Variants in CADM2 observed in about 807,000 individuals in gnomAD.
CADM2 encodes immunoglobulin superfamily member 4D.
In CADM2, 12 loss-of-function variants were observed where a neutral mutation model predicts 49.8. The ratio of observed to expected loss-of-function variants is 0.24; its 90% confidence interval spans 0.15 to 0.39. The LOEUF is 0.39. CADM2 is among the 10% of genes least tolerant of loss of function. The probability of loss-of-function intolerance (pLI) is 1.00; values close to 1 mark genes in which losing one functional copy is unlikely to be tolerated. For missense variants in CADM2, 378 were observed against 492.3 expected (o/e 0.77, Z 2.20); for synonymous variants, 214 against 175.4 (o/e 1.22, Z -1.74).
chr3:85,538,921 G>A (rs553091869), intron 1 of CADM2, among the ~76,000 whole-genome samples: 2 of 152,118 alleles, frequency 1.3e-5, no homozygotes, highest in South Asian at 4.2e-4. Context: ...ATAACATTGT[G>A]TGGGGAGGCA....
chr3:85,224,882 G>A (rs998071470), intron 1 of CADM2, among the ~76,000 whole-genome samples: 14 of 151,996 alleles, frequency 9.2e-5, no homozygotes, highest in African/African-American at 3.4e-4. Flanking sequence ...GCTTGTTTTT[G>A]TCAGGTTTGT....
chr3:85,376,280 C>G (rs1229306723), intron 1 of CADM2, among the ~76,000 whole-genome samples: 1 of 152,026 alleles, frequency 6.6e-6, no homozygotes, highest in Non-Finnish European at 1.5e-5. Context: ...GATTTAATAA[C>G]TGAAGTAATA....
intron 1 of CADM2, among the ~76,000 whole-genome samples, chr3:85,523,899 T>A (rs1244672638): frequency 6.6e-6 from 1 of 152,156 alleles, no homozygotes; most frequent in African/African-American, 2.4e-5. Context: ...GGGATGCATT[T>A]GTACACTGTA....
At chr3:85,970,692 A>C (rs1236066223) in intron 8 of CADM2, among the ~76,000 whole-genome samples, 1 of 151,654 alleles carries the variant, frequency 6.6e-6, no homozygotes, top group East Asian at 1.9e-4. Flanking sequence ...TGTCAAAATT[A>C]GAATTCACTA....
At chr3:85,712,104 T>C (rs2067137703) in intron 1 of CADM2, among the ~76,000 whole-genome samples, 1 of 152,176 alleles carries the variant, frequency 6.6e-6, no homozygotes, top group African/African-American at 2.4e-5. Flanking sequence ...CAAATGGCAA[T>C]CTTTTGACTA....
intron 6 of CADM2, among the ~76,000 whole-genome samples, chr3:85,915,298 A>G (rs1718136617): frequency 6.6e-6 from 1 of 152,160 alleles, no homozygotes; most frequent in East Asian, 1.9e-4. Flanking sequence ...CCAATTAAAA[A>G]TAGCATCTCA....
intron 2 of CADM2, among the ~76,000 whole-genome samples, chr3:85,745,490 G>A (rs2068580622): frequency 6.6e-6 from 1 of 151,778 alleles, no homozygotes; most frequent in Non-Finnish European, 1.5e-5. Context: ...AAAAAAACAG[G>A]CAAAAGAGAG....
chr3:85,532,209 A>T (rs1031097633), intron 1 of CADM2, among the ~76,000 whole-genome samples: 15 of 151,578 alleles, frequency 9.9e-5, no homozygotes, highest in African/African-American at 3.6e-4. Flanking sequence ...AAATAAAAAT[A>T]GTGTTGCAGG....
chr3:85,012,074 G>A (rs572665711), intron 1 of CADM2, among the ~76,000 whole-genome samples: 5 of 143,728 alleles, frequency 3.5e-5, no homozygotes, highest in African/African-American at 1.3e-4. Flanking sequence ...GAAGGGCCTG[G>A]TTTTTTTTTT....
chr3:85,617,632 C>G (rs796604449), intron 1 of CADM2, among the ~76,000 whole-genome samples: 3 of 152,236 alleles, frequency 2.0e-5, no homozygotes, highest in African/African-American at 7.2e-5. Context: ...CCCCTTTCCT[C>G]GGAGTTTGGG....
chr3:84,979,499 A>G (rs527703039), intron 1 of CADM2, among the ~76,000 whole-genome samples: 4 of 152,184 alleles, frequency 2.6e-5, no homozygotes, highest in Non-Finnish European at 5.9e-5. Flanking sequence ...AACTAGAGTT[A>G]TTGAGTAACT....
intron 1 of CADM2, among the ~76,000 whole-genome samples, chr3:84,967,618 C>G (rs2031100614): frequency 6.6e-6 from 1 of 152,156 alleles, no homozygotes; most frequent in Non-Finnish European, 1.5e-5. Flanking sequence ...CCTTTATACT[C>G]TCCAGGAATA....
At chr3:85,701,809 T>C (rs1444279312) in intron 1 of CADM2, among the ~76,000 whole-genome samples, 1 of 152,108 alleles carries the variant, frequency 6.6e-6, no homozygotes, top group Non-Finnish European at 1.5e-5. Context: ...ATATTGCCAC[T>C]ATTCAAACCT....
chr3:85,620,467 T>A (rs757666954), intron 1 of CADM2, among the ~76,000 whole-genome samples: 1 of 151,934 alleles, frequency 6.6e-6, no homozygotes, highest in Non-Finnish European at 1.5e-5. Context: ...TTATGAAAAA[T>A]TTTTAAGCAA....
intron 1 of CADM2, among the ~76,000 whole-genome samples, chr3:85,375,206 A>C (rs2107334054): frequency 6.6e-6 from 1 of 152,318 alleles, no homozygotes; most frequent in Non-Finnish European, 1.5e-5. Context: ...AAGGAGAGAA[A>C]ATTCAAGTTC....
At chr3:85,635,897 G>A (rs1465135825) in intron 1 of CADM2, among the ~76,000 whole-genome samples, 5 of 152,100 alleles carry the variant, frequency 3.3e-5, no homozygotes, top group Admixed American at 3.3e-4. Context: ...CTATTGCTCC[G>A]TAGTGTTGCA....
In CADM2 at chr3:85,459,932, T is replaced by C. The variant is rs181297296; in HGVS notation, c.62-266590T>C. Among the ~76,000 whole-genome samples the C allele has an allele frequency of 2.4e-3, 362 of 152,310 alleles. 2 individuals carry two copies. Among genetic ancestry groups the C allele is most frequent in the African/African-American group, 8.3e-3 (347 of 41,570 alleles). On this transcript the variant is annotated intron_variant, in intron 1 of 9. Coordinates refer to ENST00000383699, the MANE Select transcript of CADM2 (RefSeq NM_001167675.2). ...TTACTGCATTGTTTCATCTCTTTAT[T>C]TCTATTTTGTATCTGCCAGAGTAAA...
intron 1 of CADM2, among the ~76,000 whole-genome samples, chr3:85,548,379 T>C (rs1423154016): frequency 1.3e-5 from 2 of 151,716 alleles, no homozygotes; most frequent in African/African-American, 4.8e-5. Context: ...AATATGAAAC[T>C]GTTTTAGCCT....
intron 1 of CADM2, among the ~76,000 whole-genome samples, chr3:85,242,866 G>A (rs2042561963): frequency 6.6e-6 from 1 of 151,744 alleles, no homozygotes; most frequent in African/African-American, 2.4e-5. Flanking sequence ...TACAACTCTT[G>A]TTCAAAAGGC....
Sources: gnomAD v4.1 joint callset for allele counts (sites outside exome capture counted in the v4.1 genomes callset) on GRCh38, gnomAD v4.1.1 for gene constraint, MANE v1.5 for transcripts, NCBI Gene and HGNC (gene_info 2026-07-23, HGNC 2026-07-21) for gene names.